SOX5: variants seen among roughly 807,000 people sequenced by gnomAD.
SOX5 encodes the protein transcription factor SOX-5.
A neutral mutation model predicts 92.0 loss-of-function variants in SOX5; 9 were observed. The ratio of observed to expected loss-of-function variants is 0.10; its 90% CI spans 0.06 to 0.17. SOX5 has a LOEUF of 0.17. Among genes scored for constraint, SOX5 ranks in the 10% least tolerant of loss-of-function variants. The pLI, the probability that SOX5 is intolerant of heterozygous loss-of-function variation, is 1.00. For missense variants in SOX5, 642 were observed against 944.5 expected (o/e 0.68, Z 4.20); for synonymous variants, 344 against 336.3 (o/e 1.02, Z -0.25).
chr12:23,835,384 A>G (rs1461095558), intron 3 of SOX5, among the ~76,000 whole-genome samples: 2 of 152,004 alleles, frequency 1.3e-5, no homozygotes, highest in East Asian at 1.9e-4. Context: ...TCTCAGGCAT[A>G]TATATCTCTG....
At chr12:23,763,949 T>G (rs1188554801) in intron 3 of SOX5, among the ~76,000 whole-genome samples, 3 of 152,128 alleles carry the variant, frequency 2.0e-5, no homozygotes, top group Admixed American at 1.3e-4. Flanking sequence ...TAAGGCTCTT[T>G]CAGTAAAGTG....
intron 1 of SOX5, among the ~76,000 whole-genome samples, chr12:23,896,291 G>T (rs1821156234): frequency 6.6e-6 from 1 of 152,016 alleles, no homozygotes; most frequent in African/African-American, 2.4e-5. Flanking sequence ...ATTCACCTAA[G>T]AACACTGCAT....
chr12:23,835,313 C>A (rs2096395349), intron 3 of SOX5, among the ~76,000 whole-genome samples: 1 of 151,806 alleles, frequency 6.6e-6, no homozygotes, highest in Non-Finnish European at 1.5e-5. Context: ...AAAAAAGGAA[C>A]CTGGACCCAT....
At chr12:24,166,182 G>A (rs904478298) in intron 4 of SOX5, among the ~76,000 whole-genome samples, 2 of 152,120 alleles carry the variant, frequency 1.3e-5, no homozygotes, top group African/African-American at 4.8e-5. Context: ...TGGCTTGAGT[G>A]CCATTTGTAA....
intron 3 of SOX5, among the ~76,000 whole-genome samples, chr12:23,839,185 G>C (rs929515838): frequency 2.6e-5 from 4 of 151,928 alleles, no homozygotes; most frequent in Admixed American, 2.0e-4. Flanking sequence ...AAGAAAATTA[G>C]GTGGGGGAGG....
intron 2 of SOX5, among the ~76,000 whole-genome samples, chr12:23,877,107 G>A (rs981588328): frequency 1.4e-4 from 22 of 152,110 alleles, no homozygotes; most frequent in African/African-American, 5.3e-4. Flanking sequence ...AAACCTGCAC[G>A]TTCTGCACAT....
chr12:24,084,321 A>G (rs564841727), intron 4 of SOX5, among the ~76,000 whole-genome samples: 1 of 152,160 alleles, frequency 6.6e-6, no homozygotes, highest in African/African-American at 2.4e-5. Context: ...GAAACAGTCT[A>G]CTGTAGAGAT....
upstream of SOX5, among the ~76,000 whole-genome samples, chr12:23,955,438 C>G (rs1405205878): frequency 6.6e-6 from 1 of 152,070 alleles, no homozygotes; most frequent in Non-Finnish European, 1.5e-5. Flanking sequence ...AATAGGTTTC[C>G]TTGCCTAATA....
At chr12:24,151,965 A>C (rs886553311) in intron 4 of SOX5, among the ~76,000 whole-genome samples, 8 of 152,122 alleles carry the variant, frequency 5.3e-5, no homozygotes, top group Non-Finnish European at 1.2e-4. Context: ...CCTATATCTT[A>C]TTTCTGGCTT....
intron 4 of SOX5, among the ~76,000 whole-genome samples, chr12:24,022,423 A>AT (rs1000970532): frequency 3.3e-5 from 5 of 152,188 alleles, no homozygotes; most frequent in Non-Finnish European, 5.9e-5. Flanking sequence ...AGAACAAAAA[A>AT]GCAGCCTTGT....
chr12:24,495,860 G>C (rs537551116), intron 1 of SOX5, among the ~76,000 whole-genome samples: 1 of 152,154 alleles, frequency 6.6e-6, no homozygotes, highest in African/African-American at 2.4e-5. Context: ...GCTCAGTTCC[G>C]AGAGAGTCCT....
At chr12:24,384,343 C>T (rs939335670) in intron 1 of SOX5, among the ~76,000 whole-genome samples, 3 of 152,290 alleles carry the variant, frequency 2.0e-5, no homozygotes, top group East Asian at 1.9e-4. Flanking sequence ...ACCTGCTGCT[C>T]GCCTCCTGTT....
intron 4 of SOX5, among the ~76,000 whole-genome samples, chr12:24,110,128 T>C (rs1036590751): frequency 6.6e-6 from 1 of 152,190 alleles, no homozygotes. Context: ...CAGTGGTCCC[T>C]CAACAGTTTT....
chr12:23,790,561 C>CAG (rs1321528711), intron 3 of SOX5, among the ~76,000 whole-genome samples: 2 of 151,400 alleles, frequency 1.3e-5, no homozygotes, highest in Admixed American at 6.6e-5. Flanking sequence ...CACACACACA[C>CAG]ACACACACAC....
intron 1 of SOX5, among the ~76,000 whole-genome samples, chr12:24,471,857 GA>G (rs537758108): frequency 1.9e-4 from 27 of 142,066 alleles, no homozygotes; most frequent in South Asian, 2.2e-4. Flanking sequence ...TTAGTCAGTT[GA>G]AAAAAAAAAA....
chr12:23,664,943 G>C (rs994388034), intron 7 of SOX5, among the ~76,000 whole-genome samples: 2 of 152,124 alleles, frequency 1.3e-5, no homozygotes, highest in African/African-American at 4.8e-5. Context: ...ATCTGAGCTA[G>C]AAGCACTTCA....
upstream of SOX5, among the ~76,000 whole-genome samples, chr12:23,955,638 C>G (rs1381596735): frequency 6.6e-6 from 1 of 152,084 alleles, no homozygotes; most frequent in East Asian, 1.9e-4. Flanking sequence ...ACACTATCAA[C>G]TCTCCTTGTG....
chr12:23,770,274 C>T lies in SOX5; in HGVS notation c.482-14550G>A, dbSNP rs117094402. On this transcript the variant is annotated intron_variant, in intron 3 of 14. Coordinates refer to ENST00000451604, the MANE Select transcript of SOX5 (RefSeq NM_006940.6). ...ATGTATAGTCAAAGATATTTAGGCT[C>T]ACCCCCATTACCCCACCCACCCAAC... 9.2e-3 allele frequency among the ~76,000 whole-genome samples: 1,404 copies of T among 152,050 alleles called. 12 individuals carry two copies. Among genetic ancestry groups the T allele is most frequent in the Non-Finnish European group, 0.013 (865 of 67,970 alleles).
intron 4 of SOX5, among the ~76,000 whole-genome samples, chr12:24,051,637 C>T (rs1415017211): frequency 2.0e-5 from 3 of 152,130 alleles, no homozygotes; most frequent in African/African-American, 7.2e-5. Flanking sequence ...GAAAAAAGTG[C>T]CAAGTGTTCC....
Sources: gnomAD v4.1 joint callset for allele counts (sites outside exome capture counted in the v4.1 genomes callset) on GRCh38, gnomAD v4.1.1 for gene constraint, MANE v1.5 for transcripts, NCBI Gene and HGNC (gene_info 2026-07-23, HGNC 2026-07-21) for gene names.